CHST11: variants seen among roughly 807,000 people sequenced by gnomAD.
The protein encoded by CHST11 is C4S-1.
A neutral mutation model predicts 30.4 loss-of-function variants in CHST11; 9 were observed. The ratio of observed to expected loss-of-function variants is 0.30; its 90% CI spans 0.18 to 0.52. The LOEUF is 0.52. Ranked by LOEUF, CHST11 falls within the 20% of genes least tolerant of loss-of-function variation. CHST11 has a pLI of 0.97. For missense variants in CHST11, 348 were observed against 460.6 expected (o/e 0.76, Z 2.24); for synonymous variants, 152 against 187.8 (o/e 0.81, Z 1.56).
intron 1 of CHST11, among the ~76,000 whole-genome samples, chr12:104,557,606 G>T (rs2136014087): frequency 6.6e-6 from 1 of 152,238 alleles, no homozygotes. Context: ...GGTCAGGTGG[G>T]CAGGCCTTGC....
chr12:104,695,680 A>G (rs914163569), intron 2 of CHST11, among the ~76,000 whole-genome samples: 1 of 152,110 alleles, frequency 6.6e-6, no homozygotes, highest in African/African-American at 2.4e-5. Flanking sequence ...CTTACAATTG[A>G]TAGATTTTTT....
At chr12:104,475,915 C>CT (rs1366245742) in intron 1 of CHST11, among the ~76,000 whole-genome samples, 1 of 138,660 alleles carries the variant, frequency 7.2e-6, no homozygotes, top group African/African-American at 2.6e-5. Flanking sequence ...ATATATATGA[C>CT]TTTTTTTTAG....
chr12:104,489,148 G>A (rs773722790), intron 1 of CHST11, among the ~76,000 whole-genome samples: 13 of 149,984 alleles, frequency 8.7e-5, no homozygotes, highest in African/African-American at 2.9e-4. Context: ...GTGATTTTCC[G>A]GCCTCAGCCT....
At position 104,558,155 on chromosome 12, in the gene CHST11, G is replaced by T. The variant is rs144628486; in HGVS notation, c.119-43751G>T. Among the ~76,000 whole-genome samples, 19 of 152,142 alleles carry T rather than the reference G, an allele frequency of 1.2e-4. No individual in the cohort carries two copies. In the East Asian group the frequency reaches 3.3e-3, roughly 26 times the overall value. On this transcript the variant is annotated intron_variant, in intron 1 of 2. Coordinates refer to ENST00000303694, the MANE Select transcript of CHST11 (RefSeq NM_018413.6). ...CACAAAGCACCCCCTCTGCCTCTTTGCCTCCCCCAGCAGCCTGGGTGAATA... is the reference window on the plus strand; with the variant it reads ...CACAAAGCACCCCCTCTGCCTCTTTTCCTCCCCCAGCAGCCTGGGTGAATA...
chr12:104,752,418 A>T (rs116994773), intron 2 of CHST11, among the ~76,000 whole-genome samples: 2,536 of 152,322 alleles, frequency 0.017, 30 homozygotes, highest in Non-Finnish European at 0.025. Context: ...CTGGGTGGAC[A>T]TGAATTTGGG....
At position 104,498,276 on chromosome 12, in the gene CHST11, C is replaced by A. The variant is rs1394987506; in HGVS notation, c.118+40747C>A. On this transcript the variant is annotated intron_variant, in intron 1 of 2. Transcript: ENST00000303694. ...ACAGCTCCAGGGCTGTTAGGCTTCA[C>A]CTGTCATCTTAATAACAGTTGCCAT... 2.6e-5 allele frequency among the ~76,000 whole-genome samples: 4 copies of A among 152,214 alleles called. No homozygotes were observed. The East Asian group carries it at 7.7e-4, about 29-fold the overall frequency.
At chr12:104,732,368 C>T (rs2040264845) in intron 2 of CHST11, among the ~76,000 whole-genome samples, 1 of 152,188 alleles carries the variant, frequency 6.6e-6, no homozygotes. Context: ...TGACAGGGTC[C>T]TGGCAGAAAA....
chr12:104,705,991 C>G (rs570938897), intron 2 of CHST11, among the ~76,000 whole-genome samples: 2 of 151,466 alleles, frequency 1.3e-5, no homozygotes, highest in Non-Finnish European at 2.9e-5. Context: ...GAGGCTGAGG[C>G]AGGAGGATTG....
intron 1 of CHST11, among the ~76,000 whole-genome samples, chr12:104,513,123 T>TTGGGGGGGGGGGGGGGGG (rs1555229063): frequency 3.0e-4 from 1 of 3,384 alleles, no homozygotes; most frequent in African/African-American, 1.5e-3. Context: ...ATGTCATGAC[T>TTGGGGGGGGGGGGGGGGG]GGGGGGGGGG....
At chr12:104,704,144 G>A (rs1411417118) in intron 2 of CHST11, among the ~76,000 whole-genome samples, 11 of 152,186 alleles carry the variant, frequency 7.2e-5, no homozygotes, top group Non-Finnish European at 1.6e-4. Context: ...TTCAGGCCAT[G>A]GGAACTGGAC....
intron 1 of CHST11, among the ~76,000 whole-genome samples, chr12:104,557,247 A>G (rs990855092): frequency 6.6e-6 from 1 of 152,060 alleles, no homozygotes; most frequent in Non-Finnish European, 1.5e-5. Context: ...AGGGAAGTGA[A>G]CTCACTTCTG....
rs1483072057 is a variant in CHST11 at position 104,760,063 on chromosome 12, A to G, written c.*2260A>G. On this transcript the variant is annotated 3_prime_UTR_variant, in exon 3 of 3. Coordinates refer to ENST00000303694, the MANE Select transcript of CHST11 (RefSeq NM_018413.6). The stretch of plus-strand genomic sequence containing the variant: ...TTCTGCAAGGACTTTTCAGCCTTCA[A>G]TGTGTGCTGTGCATGGTGAATCCCC... 3.3e-5 allele frequency: 5 copies of G among 152,288 alleles called. No homozygotes were observed. Among genetic ancestry groups the G allele is most frequent in the Middle Eastern group, 3.4e-3 (1 of 294 alleles). The allele number at this position is 152,288 out of a possible 1,614,324, so 9.4% of individuals were successfully genotyped here. A position where few individuals can be genotyped will look rare whatever the true frequency, so the allele number is the denominator to read the frequency against.
chr12:104,614,098 T>C (rs540113524), intron 2 of CHST11, among the ~76,000 whole-genome samples: 1 of 152,344 alleles, frequency 6.6e-6, no homozygotes, highest in Non-Finnish European at 1.5e-5. Context: ...TTACTTAGCT[T>C]GATTGTGGTC....
intron 1 of CHST11, among the ~76,000 whole-genome samples, chr12:104,505,268 G>A (rs544426345): frequency 2.6e-5 from 4 of 152,148 alleles, no homozygotes; most frequent in Admixed American, 1.3e-4. Context: ...TTGTAAAGGG[G>A]TGAGAGTTGC....
At chr12:104,493,076 G>A (rs532890948) in intron 1 of CHST11, among the ~76,000 whole-genome samples, 73 of 152,096 alleles carry the variant, frequency 4.8e-4, no homozygotes, top group African/African-American at 1.6e-3. Flanking sequence ...AAAATGAAGT[G>A]GAAATGAAAT....
rs143132794 is a variant in CHST11 at position 104,712,740 on chromosome 12, A to G, written c.205-44209A>G. ...CATGGAAATTCCTAAAACCAACGTC[A>G]TCATTCTTGAAACCTCCCTCTACAA... On this transcript the variant is annotated intron_variant, in intron 2 of 2. Transcript: ENST00000303694. 4.8e-4 allele frequency among the ~76,000 whole-genome samples: 73 copies of G among 152,282 alleles called. 1 individual carries two copies. Among genetic ancestry groups the G allele is most frequent in the African/African-American group, 1.6e-3 (68 of 41,564 alleles).
At chr12:104,575,569 C>G (rs1278248662) in intron 1 of CHST11, among the ~76,000 whole-genome samples, 1 of 152,146 alleles carries the variant, frequency 6.6e-6, no homozygotes, top group African/African-American at 2.4e-5. Context: ...GGCCTGGGAG[C>G]AGGAACATCT....
At chr12:104,581,294 A>T (rs2038741790) in intron 1 of CHST11, among the ~76,000 whole-genome samples, 1 of 152,198 alleles carries the variant, frequency 6.6e-6, no homozygotes, top group Admixed American at 6.5e-5. Flanking sequence ...AGATATCTGG[A>T]AGTCTTCATG....
chr12:104,512,026 G>A (rs1208103996), intron 1 of CHST11, among the ~76,000 whole-genome samples: 1 of 152,158 alleles, frequency 6.6e-6, no homozygotes, highest in Non-Finnish European at 1.5e-5. Context: ...TGCTATGTGA[G>A]TAGTTGTTCC....
Sources: gnomAD v4.1 joint callset for allele counts (sites outside exome capture counted in the v4.1 genomes callset) on GRCh38, gnomAD v4.1.1 for gene constraint, MANE v1.5 for transcripts, NCBI Gene and HGNC (gene_info 2026-07-23, HGNC 2026-07-21) for gene names.